FBXL17: variants seen among roughly 807,000 people sequenced by gnomAD.
FBXL17 encodes the protein F-box/LRR-repeat protein 17.
Under a neutral mutation model 66.2 loss-of-function variants are expected in FBXL17, and 22 were observed. The ratio of observed to expected loss-of-function variants is 0.33; its 90% CI spans 0.24 to 0.47. FBXL17 has a LOEUF of 0.47. FBXL17 is among the 20% of genes least tolerant of loss of function. The pLI, the probability that FBXL17 is intolerant of heterozygous loss-of-function variation, is 1.00. For synonymous variants in FBXL17, 474 were observed against 400.5 expected, an observed-to-expected ratio of 1.18 and a Z score of -2.19; for missense variants, 878 against 948.2, an observed-to-expected ratio of 0.93 and a Z score of 0.97.
chr5:108,370,794 C>A (rs1244212200), intron 1 of FBXL17, among the ~76,000 whole-genome samples: 1 of 151,828 alleles, frequency 6.6e-6, no homozygotes, highest in Non-Finnish European at 1.5e-5. Context: ...GTCTCCCATG[C>A]CAGCAAACAT....
Position 108,313,912 on chromosome 5 carries a change from A to G in FBXL17, c.1506+34487T>C, listed in dbSNP as rs141006498. On this transcript the variant is annotated intron_variant, in intron 4 of 8. Coordinates refer to ENST00000542267, the MANE Select transcript of FBXL17 (RefSeq NM_001163315.3). Reference sequence around the variant, plus strand: ...AGAACCTGATAAAACAAATCTAAAAATAAAATTCTTACTAATATGAATCTT... The same window carrying G: ...AGAACCTGATAAAACAAATCTAAAAGTAAAATTCTTACTAATATGAATCTT... Among the ~76,000 whole-genome samples, 921 of 152,076 alleles carry G rather than the reference A, an allele frequency of 6.1e-3. 10 individuals carry two copies. The highest frequency in any genetic ancestry group is 0.02 in the African/African-American group (833 of 41,550).
intron 7 of FBXL17, among the ~76,000 whole-genome samples, chr5:107,911,217 G>A (rs1226032352): frequency 2.0e-5 from 3 of 152,060 alleles, no homozygotes; most frequent in Admixed American, 6.6e-5. Context: ...AGAGATTCCA[G>A]GAACAGACTT....
At chr5:108,343,214 C>T (rs1747005911) in intron 4 of FBXL17, among the ~76,000 whole-genome samples, 1 of 152,168 alleles carries the variant, frequency 6.6e-6, no homozygotes, top group Non-Finnish European at 1.5e-5. Flanking sequence ...TTTGGTACAG[C>T]AACCCAAGTG....
At chr5:107,906,708 C>A (rs1205108357) in intron 7 of FBXL17, among the ~76,000 whole-genome samples, 6 of 152,066 alleles carry the variant, frequency 3.9e-5, no homozygotes, top group African/African-American at 1.4e-4. Flanking sequence ...GTGGGGAGGA[C>A]ACGTCTAGGA....
chr5:107,986,345 C>T (rs1414467747), intron 7 of FBXL17, among the ~76,000 whole-genome samples: 2 of 150,834 alleles, frequency 1.3e-5, no homozygotes, highest in Non-Finnish European at 3.0e-5. Flanking sequence ...GATGCTAACC[C>T]TAGCAAATTA....
intron 6 of FBXL17, among the ~76,000 whole-genome samples, chr5:108,112,433 C>G (rs1378851135): frequency 6.6e-6 from 1 of 152,128 alleles, no homozygotes; most frequent in East Asian, 1.9e-4. Context: ...AAACACTGTT[C>G]AGGATTTACC....
At position 107,906,416 on chromosome 5, in the gene FBXL17, C is replaced by T. The variant is rs529835953; in HGVS notation, c.1823-25237G>A. On this transcript the variant is annotated intron_variant, in intron 7 of 8. Coordinates refer to ENST00000542267, the MANE Select transcript of FBXL17 (RefSeq NM_001163315.3). ...AACATAAAAACAACAAAAGGAACAA[C>T]AGTTTTTGAATATTTACTTTGTGGT... is the stretch of plus-strand genomic sequence containing the variant. Among the ~76,000 whole-genome samples the T allele has an allele frequency of 3.3e-5, 5 of 152,208 alleles. No homozygotes were observed. In the South Asian group the frequency reaches 1.0e-3, roughly 32 times the overall value.
At chr5:108,155,592 T>G (rs1751964980) in intron 6 of FBXL17, among the ~76,000 whole-genome samples, 1 of 152,156 alleles carries the variant, frequency 6.6e-6, no homozygotes, top group African/African-American at 2.4e-5. Context: ...TCTCTGAACT[T>G]TGAACAATGA....
At position 108,323,491 on chromosome 5, in the gene FBXL17, A is replaced by G. The variant is rs548672861; in HGVS notation, c.1506+24908T>C. Among the ~76,000 whole-genome samples, 9 of 152,144 alleles carry G rather than the reference A, an allele frequency of 5.9e-5. No homozygotes were observed. The South Asian group carries it at 1.9e-3, about 31-fold the overall frequency. ...AAGAAATCCCGTTTTAATGAATTGG[A>G]ATACTTAATATTGTTAAAATGTCTA... On this transcript the variant is annotated intron_variant, in intron 4 of 8. Transcript: ENST00000542267.
chr5:108,380,958 G>C lies in FBXL17; in HGVS notation c.734C>G (p.Ala245Gly). 1 of 1,221,626 alleles carries C rather than the reference G, an allele frequency of 8.2e-7. No individual in the cohort carries two copies. The highest frequency in any genetic ancestry group is 1.0e-6 in the Non-Finnish European group (1 of 980,460). The allele number at this position is 1,221,626 out of a possible 1,614,324, so 75.7% of individuals were successfully genotyped here. Residue 245 changes from alanine (A) to glycine (G), a missense_variant, in exon 1 of 9, where the codon GCC becomes GGC. By Grantham distance (60) the Ala-to-Gly change is moderately conservative (BLOSUM62 0). This residue lies in a region of FBXL17 where 605 missense variants were observed against 509.5 expected (regional missense o/e 1.19). Coordinates refer to ENST00000542267, the MANE Select transcript of FBXL17 (RefSeq NM_001163315.3). ...GGASPPRPPD[A>G]GCCQAPEQPP... ...CTGCTCCGGGGCCTGGCAGCAGCCG[G>C]CGTCGGGGGGCCGGGGCGGCGAAGC...
intron 6 of FBXL17, among the ~76,000 whole-genome samples, chr5:108,130,740 T>C (rs1750900434): frequency 1.3e-5 from 2 of 152,074 alleles, no homozygotes; most frequent in Non-Finnish European, 1.5e-5. Flanking sequence ...GTGTTCTAAC[T>C]GCATAAGATT....
intron 5 of FBXL17, among the ~76,000 whole-genome samples, chr5:108,216,779 G>A (rs189507415): frequency 4.6e-4 from 70 of 152,234 alleles, no homozygotes; most frequent in African/African-American, 1.7e-3. Flanking sequence ...CAAGCGGCAG[G>A]TACCAATAAG....
chr5:108,023,505 C>CT (rs1450181839), intron 6 of FBXL17, among the ~76,000 whole-genome samples: 1 of 152,084 alleles, frequency 6.6e-6, no homozygotes, highest in Non-Finnish European at 1.5e-5. Context: ...TGTCTAAAGT[C>CT]TCGTAATCCA....
chr5:108,005,387 A>C (rs1376696360), intron 7 of FBXL17, among the ~76,000 whole-genome samples: 1 of 152,200 alleles, frequency 6.6e-6, no homozygotes, highest in African/African-American at 2.4e-5. Context: ...TTTTAGGAGT[A>C]TAATAAATGT....
intron 4 of FBXL17, among the ~76,000 whole-genome samples, chr5:108,291,248 G>A (rs533386523): frequency 6.6e-6 from 1 of 152,254 alleles, no homozygotes; most frequent in African/African-American, 2.4e-5. Context: ...CACCAACAGA[G>A]AGAAACACTG....
chr5:108,305,690 C>T (rs188804587), intron 4 of FBXL17, among the ~76,000 whole-genome samples: 93 of 152,192 alleles, frequency 6.1e-4, no homozygotes, highest in African/African-American at 2.2e-3. Context: ...GAGTTTTGGG[C>T]ATGCTCAGTT....
chr5:108,274,710 C>T (rs570450084), intron 4 of FBXL17, among the ~76,000 whole-genome samples: 1 of 152,224 alleles, frequency 6.6e-6, no homozygotes, highest in South Asian at 2.1e-4. Flanking sequence ...TAAAGACAGG[C>T]ATAAGTATAA....
At chr5:107,906,073 T>C (rs185393042) in intron 7 of FBXL17, among the ~76,000 whole-genome samples, 336 of 152,042 alleles carry the variant, frequency 2.2e-3, no homozygotes, top group Admixed American at 4.0e-3. Context: ...TTTTTTTTTT[T>C]CAAGAAGTTT....
intron 7 of FBXL17, among the ~76,000 whole-genome samples, chr5:107,945,384 ATATT>A (rs1285422881): frequency 6.6e-6 from 1 of 152,182 alleles, no homozygotes. Flanking sequence ...ATGTACTCCT[ATATT>A]TATTCTTAGA....
Sources: allele counts gnomAD v4.1 joint callset (sites outside exome capture counted in the v4.1 genomes callset), GRCh38; gene constraint gnomAD v4.1.1; regional missense constraint gnomAD v4.1.1; transcripts MANE v1.5; gene names NCBI Gene and HGNC (gene_info 2026-07-23, HGNC 2026-07-21).